Variants in FBXO27 observed in about 807,000 individuals in gnomAD.
The protein encoded by FBXO27 is F-box only protein 27.
A neutral mutation model predicts 28.3 loss-of-function variants in FBXO27; 28 were observed. The ratio of observed to expected loss-of-function variants is 0.99; its 90% CI spans 0.73 to 1.36. The LOEUF is 1.36. FBXO27 is among the 40% of genes most tolerant of loss of function. FBXO27 has a pLI of 0.00. For missense variants in FBXO27, 388 were observed against 394.1 expected, an observed-to-expected ratio of 0.98 and a Z score of 0.13; for synonymous variants, 175 against 167.3, an observed-to-expected ratio of 1.05 and a Z score of -0.36.
chr19:39,008,878 T>A (rs538885254), intron 2 of FBXO27, among the ~76,000 whole-genome samples: 4 of 152,324 alleles, frequency 2.6e-5, no homozygotes, highest in Admixed American at 2.0e-4. Context: ...TGGAGTGCAG[T>A]GGGGTAATCC....
downstream of FBXO27, among the ~76,000 whole-genome samples, chr19:39,022,306 A>G (rs1431424843): frequency 1.3e-5 from 2 of 151,122 alleles, no homozygotes; most frequent in Non-Finnish European, 2.9e-5. Flanking sequence ...CACCCAGCTA[A>G]TTTTTTAAAT....
At chr19:39,031,810 G>T in intron 2 of FBXO27, 54 bp downstream of exon 2, 1 of 1,417,358 alleles carries the variant, frequency 7.1e-7, no homozygotes, top group Non-Finnish European at 9.1e-7. Flanking sequence ...CTCCGGCCCC[G>T]CTACCGCTCC....
Position 39,031,963 on chromosome 19 carries a change from A to T in FBXO27, c.265T>A (p.Cys89Ser). ...GRALLHLARS[C>S]QSPARNARPC... The stretch of plus-strand genomic sequence containing the variant: ...CTGGCGTTACGGGCGGGAGACTGGC[A>T]GCTGCGGGCGAGGTGCAGCAGCGCG... Residue 89 changes from cysteine to serine, a missense_variant, in exon 2 of 6, where the codon TGC becomes AGC. Physicochemically the swap from Cys to Ser is moderately radical, Grantham distance 112. Transcript: ENST00000292853. 1 of 1,519,868 alleles carries T rather than the reference A, an allele frequency of 6.6e-7. No individual in the cohort carries two copies. Among genetic ancestry groups the T allele is most frequent in the Non-Finnish European group, 8.7e-7 (1 of 1,145,018 alleles). 94.1% of individuals were successfully genotyped at this position (1,519,868 alleles called of 1,614,324 possible).
At chr19:39,011,212 C>T (rs2072792403) in intron 2 of FBXO27, among the ~76,000 whole-genome samples, 1 of 152,168 alleles carries the variant, frequency 6.6e-6, no homozygotes, top group Admixed American at 6.6e-5. Flanking sequence ...GGGCGGACCA[C>T]CCGAGGTCAG....
Position 39,012,188 on chromosome 19 carries a change from C to CTTT in FBXO27, c.252+2196_252+2198dup, listed in dbSNP as rs34249268. Among the ~76,000 whole-genome samples, 19 of 133,314 alleles carry CTTT rather than the reference C, an allele frequency of 1.4e-4. 1 individual carries two copies. The highest frequency in any genetic ancestry group is 2.4e-4 in the Non-Finnish European group (15 of 63,648). The allele number at this position is 133,314 out of a possible 152,430, so 87.5% of individuals were successfully genotyped here. A position where few individuals can be genotyped will look rare whatever the true frequency, so the allele number is the denominator to read the frequency against. On this transcript the variant is annotated intron_variant, in intron 2 of 2. Coordinates refer to the FBXO27 transcript ENST00000598394. ...CCAAAAATGTCCTGAATTTATTAAC[C>CTTT]TTTTTTTTTTTTTTTGAGACAGTTT...
rs1474282576 is a variant in FBXO27 at position 39,031,873 on chromosome 19, A to G, written c.355T>C (p.Cys119Arg). The G allele has an allele frequency of 3.6e-5, 54 of 1,481,506 alleles. No individual in the cohort carries two copies. Among genetic ancestry groups the G allele is most frequent in the Non-Finnish European group, 4.6e-5 (52 of 1,126,930 alleles). 91.8% of individuals were successfully genotyped at this position (1,481,506 alleles called of 1,614,324 possible). Reference sequence around the variant, plus strand: ...TCTTCCGAGATCCCACCTTGGCCGCAGGGGTTGCGAATAAGGTTGCGTCCG... The same window carrying G: ...TCTTCCGAGATCCCACCTTGGCCGCGGGGGTTGCGAATAAGGTTGCGTCCG... ...PIGRNLIRNP[C>R]GQEGLRKWMV... is the part of the protein sequence containing the mutation. The change falls in exon 2 of 6, where the codon TGC becomes CGC. Residue 119 changes from cysteine (C) to arginine (R), a missense_variant. By Grantham distance (180) the Cys-to-Arg change is radical. Coordinates refer to ENST00000292853, the MANE Select transcript of FBXO27 (RefSeq NM_178820.5).
At chr19:39,022,042 T>C (rs2072847599), downstream of FBXO27, among the ~76,000 whole-genome samples, 1 of 151,808 alleles carries the variant, frequency 6.6e-6, no homozygotes, top group African/African-American at 2.4e-5. Context: ...TATTTCCACA[T>C]CACTTCATTC....
At chr19:39,011,954 G>A (rs953304334) in intron 2 of FBXO27, among the ~76,000 whole-genome samples, 6 of 150,340 alleles carry the variant, frequency 4.0e-5, no homozygotes, top group African/African-American at 1.5e-4. Context: ...TCAGCCTCCC[G>A]AGTAGCTGGG....
At chr19:39,007,283 A>G (rs1177795824) in intron 2 of FBXO27, among the ~76,000 whole-genome samples, 1 of 152,150 alleles carries the variant, frequency 6.6e-6, no homozygotes, top group African/African-American at 2.4e-5. Context: ...GGGAATGCCC[A>G]AGGCAGTCAA....
At chr19:39,030,900 G>T in intron 4 of FBXO27, 129 bp downstream of exon 4, 1 of 795,744 alleles carries the variant, frequency 1.3e-6, no homozygotes, top group Non-Finnish European at 2.2e-6. Flanking sequence ...GAGCCACCAT[G>T]GCTGGCCTGA....
Position 39,032,006 on chromosome 19 carries a change from G to C in FBXO27, c.222C>G (p.Asp74Glu). The change falls in exon 2 of 6, where the codon GAC (aspartate) becomes GAG (glutamate). Residue 74 changes from aspartate to glutamate, a missense_variant. Coordinates refer to ENST00000292853, the MANE Select transcript of FBXO27 (RefSeq NM_178820.5). The surrounding 1 kb of genome is among the most constrained non-coding windows in gnomAD (Gnocchi z 4.7). ...QALWLLILAR[D>E]HGATGRALLH... Reference sequence around the variant, plus strand: ...GCAGCGCGCGGCCGGTGGCGCCGTGGTCGCGGGCCAGGATCAGCAGCCACA... The same window carrying C: ...GCAGCGCGCGGCCGGTGGCGCCGTGCTCGCGGGCCAGGATCAGCAGCCACA... 1 of 1,517,354 alleles carries C rather than the reference G, an allele frequency of 6.6e-7. No homozygotes were observed. 94.0% of individuals were successfully genotyped at this position (1,517,354 alleles called of 1,614,324 possible). A position where few individuals can be genotyped will look rare whatever the true frequency, so the allele number is the denominator to read the frequency against.
chr19:39,026,422 A>G (rs8109914), intron 5 of FBXO27, among the ~76,000 whole-genome samples: 122,042 of 152,130 alleles, frequency 0.8, 49,265 homozygotes, highest in Middle Eastern at 0.88. Context: ...CTGCCCAGGT[A>G]AGCCCTCCTG....
intron 1 of FBXO27, among the ~76,000 whole-genome samples, chr19:39,018,606 A>G (rs573095269): frequency 6.6e-6 from 1 of 152,202 alleles, no homozygotes; most frequent in Admixed American, 6.6e-5. Flanking sequence ...GATTTGCTTG[A>G]TATGTACCAT....
chr19:39,025,230 G>T lies in FBXO27; in HGVS notation c.*181C>A. ...GCAGTAGGTAGATAAGATGGAAGAAGCTTCTTCTGGTAGTTTCTAGAACCT... is the reference window on the plus strand; with the variant it reads ...GCAGTAGGTAGATAAGATGGAAGAATCTTCTTCTGGTAGTTTCTAGAACCT... On this transcript the variant is annotated 3_prime_UTR_variant, in exon 6 of 6. Transcript: ENST00000292853. The T allele has an allele frequency of 2.6e-6, 2 of 766,780 alleles. No individual in the cohort carries two copies. The highest frequency in any genetic ancestry group is 4.0e-6 in the Non-Finnish European group (2 of 496,030). The allele number at this position is 766,780 out of a possible 1,614,324, so 47.5% of individuals were successfully genotyped here. A position where few individuals can be genotyped will look rare whatever the true frequency, so the allele number is the denominator to read the frequency against.
intron 1 of FBXO27, chr19:39,014,551 C>CA (rs199962193): frequency 0.023 from 3,435 of 147,570 alleles, 127 homozygotes; most frequent in African/African-American, 0.081. Context: ...TGTGTCTCTA[C>CA]AAAAAAAAAG....
chr19:39,032,082 C>T lies in FBXO27; in HGVS notation c.146G>A (p.Arg49His). Reference protein sequence around the residue: ...SHVPPRTLLGRCRQVCRGWRA... With the variant: ...SHVPPRTLLGHCRQVCRGWRA... ...CCAGCCCCGGCACACTTGGCGGCAG[C>T]GCCCGAGCAGCGTGCGCGGGGGGAC... Residue 49 changes from arginine (R) to histidine (H), a missense_variant, in exon 2 of 6, where the codon CGC becomes CAC. Coordinates refer to ENST00000292853, the MANE Select transcript of FBXO27 (RefSeq NM_178820.5). This position sits in a 1 kb window ranked among gnomAD's most constrained non-coding sequence, Gnocchi z 4.7. 6.5e-7 allele frequency: 1 copy of T among 1,531,940 alleles called. No homozygotes were observed. Among genetic ancestry groups the T allele is most frequent in the Non-Finnish European group, 8.7e-7 (1 of 1,145,644 alleles). The allele number at this position is 1,531,940 out of a possible 1,614,324, so 94.9% of individuals were successfully genotyped here.
rs2072912552 is a variant in FBXO27, at chr19:39,032,495, A to G, written c.-27+8T>C. The stretch of plus-strand genomic sequence containing the variant: ...GCGGCCGCACCGACACCGCACCCCA[A>G]GTCCTACCCCGGGGCCTGGCGGCGC... On this transcript the variant is annotated splice_region_variant and intron_variant, in intron 1 of 5. Transcript: ENST00000292853. This position sits in a 1 kb window ranked among gnomAD's most constrained non-coding sequence, Gnocchi z 4.7. 2.4e-6 allele frequency: 1 copy of G among 412,218 alleles called. No individual in the cohort carries two copies. Among genetic ancestry groups the G allele is most frequent in the Non-Finnish European group, 4.2e-6 (1 of 237,790 alleles). 25.5% of individuals were successfully genotyped at this position (412,218 alleles called of 1,614,324 possible).
chr19:39,013,093 C>A (rs1363319640), intron 2 of FBXO27, among the ~76,000 whole-genome samples: 1 of 152,194 alleles, frequency 6.6e-6, no homozygotes, highest in Admixed American at 6.6e-5. Flanking sequence ...TTTCTGGGGA[C>A]CGCTGCATCA....
At position 39,025,479 on chromosome 19, in the gene FBXO27, A is replaced by G. The variant is rs768021249; in HGVS notation, c.784T>C (p.Phe262Leu). 28 of 1,614,064 alleles carry G rather than the reference A, an allele frequency of 1.7e-5. No individual in the cohort carries two copies. Among genetic ancestry groups the G allele is most frequent in the Non-Finnish European group, 2.3e-5 (27 of 1,180,052 alleles). The change falls in exon 6 of 6, where the codon TTC becomes CTC. Residue 262 changes from phenylalanine (F) to leucine (L), a missense_variant. Physicochemically the swap from Phe to Leu is conservative, Grantham distance 22. Transcript: ENST00000292853. ...CGGGCTCCATAGTGGCCAGCCCAGAACTGTGTGTCCTGGCCCCGGTGTTCG... is the reference window on the plus strand; with the variant it reads ...CGGGCTCCATAGTGGCCAGCCCAGAGCTGTGTGTCCTGGCCCCGGTGTTCG... ...SFEHRGQDTQ[F>L]WAGHYGARVT...
Sources: allele counts gnomAD v4.1 joint callset (sites outside exome capture counted in the v4.1 genomes callset), GRCh38; gene constraint gnomAD v4.1.1; non-coding constraint Gnocchi (gnomAD v3.1); transcripts MANE v1.5; gene names NCBI Gene and HGNC (gene_info 2026-07-23, HGNC 2026-07-21).